Variants in PPIA observed in about 807,000 individuals in gnomAD.
PPIA encodes the protein peptidylprolyl isomerase A, also known as peptidyl-prolyl cis-trans isomerase A.
In PPIA, 2 loss-of-function variants were observed where a neutral mutation model predicts 15.3. That is an observed-to-expected ratio of 0.13 (90% confidence interval 0.05 to 0.41). The LOEUF is 0.41. Ranked by LOEUF, PPIA falls within the 10% of genes least tolerant of loss-of-function variation. PPIA has a pLI of 0.99. For synonymous variants in PPIA, 67 were observed against 73.1 expected, an observed-to-expected ratio of 0.92 and a Z score of 0.43; for missense variants, 103 against 210.3, an observed-to-expected ratio of 0.49 and a Z score of 3.16.
rs577315387 is a variant in PPIA, at chr7:44,799,314, A to G, written c.100+37A>G. The G allele has an allele frequency of 4.1e-5, 66 of 1,611,898 alleles. 1 individual carries two copies. Among genetic ancestry groups the G allele is most frequent in the African/African-American group, 8.0e-5 (6 of 74,830 alleles). ...TTCTAAGTTTAACAAAGATGTTCCA[A>G]TTGTGACAGTTTGTGTGTGTGTGTG... On this transcript the variant is annotated intron_variant, in intron 2 of 4. Transcript: ENST00000468812.
chr7:44,797,173 A>G (rs1792399107), intron 1 of PPIA, among the ~76,000 whole-genome samples: 1 of 152,124 alleles, frequency 6.6e-6, no homozygotes, highest in South Asian at 2.1e-4. Flanking sequence ...CCGGAGCCAG[A>G]AGCACGCTCG....
At chr7:44,800,167 C>G (rs1374131068) in intron 4 of PPIA, among the ~76,000 whole-genome samples, 2 of 152,184 alleles carry the variant, frequency 1.3e-5, no homozygotes, top group African/African-American at 4.8e-5. Context: ...GGGCTCACTG[C>G]AACCTCTGCC....
intron 1 of PPIA, chr7:44,798,839 A>T: frequency 1.0e-6 from 1 of 1,000,866 alleles, no homozygotes; most frequent in Non-Finnish European, 1.2e-6. Context: ...ATTACAAGTG[A>T]CTAAAAGAAC....
At chr7:44,799,097 T>A (rs528873600) in intron 1 of PPIA, 150 bp from the exon 2 acceptor site, 1 of 1,118,502 alleles carries the variant, frequency 8.9e-7, no homozygotes, top group Admixed American at 3.0e-5. Flanking sequence ...CAGGGCCTTA[T>A]GGCTGTCAGG....
chr7:44,801,723 A>T lies in PPIA; in HGVS notation c.*301A>T, dbSNP rs940583222. On this transcript the variant is annotated 3_prime_UTR_variant, in exon 5 of 5. Coordinates refer to ENST00000468812, the MANE Select transcript of PPIA (RefSeq NM_021130.5). ...ATCACTTGTTTGCTTAATTCTACAC[A>T]GTACTTAGATTTTTTTTACTTTCCA... is the stretch of plus-strand genomic sequence containing the variant. 2.8e-5 allele frequency: 7 copies of T among 249,168 alleles called. No homozygotes were observed. The highest frequency in any genetic ancestry group is 1.6e-4 in the African/African-American group (6 of 36,412). The allele number at this position is 249,168 out of a possible 1,614,324, so 15.4% of individuals were successfully genotyped here.
At chr7:44,797,972 A>G (rs1457418775) in intron 1 of PPIA, 1 of 152,154 alleles carries the variant, frequency 6.6e-6, no homozygotes, top group East Asian at 1.9e-4. Flanking sequence ...ATGTTAATCC[A>G]CACCCCACCC....
chr7:44,800,599 A>G (rs1241542409), intron 4 of PPIA: 3 of 151,650 alleles, frequency 2.0e-5, no homozygotes, highest in Admixed American at 6.6e-5. Flanking sequence ...GGGATTTACC[A>G]TGTTGTCCAG....
At chr7:44,799,516 G>A (rs769369882) in intron 3 of PPIA, 36 bp downstream of exon 3, 1 of 1,601,422 alleles carries the variant, frequency 6.2e-7, no homozygotes, top group South Asian at 1.1e-5. Flanking sequence ...TATTTGGGTT[G>A]CTCCCTTCAT....
At chr7:44,798,350 T>G (rs1792443250) in intron 1 of PPIA, 1 of 152,020 alleles carries the variant, frequency 6.6e-6, no homozygotes, top group Non-Finnish European at 1.5e-5. Context: ...CCACCTCTAT[T>G]AAAAATACAA....
At chr7:44,796,822 G>C (rs530225759) in intron 1 of PPIA, 29 bp downstream of exon 1, 1 of 1,593,364 alleles carries the variant, frequency 6.3e-7, no homozygotes, top group Non-Finnish European at 8.5e-7. Context: ...TGCGGGAATG[G>C]GGCCCAGAAA....
chr7:44,798,017 A>G (rs1792432323), intron 1 of PPIA: 1 of 152,164 alleles, frequency 6.6e-6, no homozygotes, highest in Non-Finnish European at 1.5e-5. Flanking sequence ...GTAAGTGACA[A>G]GGGCTTTCGT....
rs191837591 is a variant in PPIA, at chr7:44,801,758, A to C, written c.*336A>C. ...TTTTTTTTACTTTCCAGTCCCAGGA[A>C]GTGTCAATGTTTGTTGAGTGGAATA... is the stretch of plus-strand genomic sequence containing the variant. On this transcript the variant is annotated 3_prime_UTR_variant, in exon 5 of 5. Transcript: ENST00000468812. 2.2e-5 allele frequency: 5 copies of C among 224,628 alleles called. No individual in the cohort carries two copies. The highest frequency in any genetic ancestry group is 1.6e-4 in the Admixed American group (3 of 18,732). The allele number at this position is 224,628 out of a possible 1,614,324, so 13.9% of individuals were successfully genotyped here. A position where few individuals can be genotyped will look rare whatever the true frequency, so the allele number is the denominator to read the frequency against.
Position 44,796,700 on chromosome 7 carries a change from C to T in PPIA, c.-25C>T, listed in dbSNP as rs779471856. 9.3e-6 allele frequency: 15 copies of T among 1,608,088 alleles called. No homozygotes were observed. Among genetic ancestry groups the T allele is most frequent in the Admixed American group, 3.3e-5 (2 of 59,982 alleles). On this transcript the variant is annotated 5_prime_UTR_variant, in exon 1 of 5. Transcript: ENST00000468812. ...CGTGCCGTTTTGCAGACGCCACCGC[C>T]GAGGAAAACCGTGTACTATTAGCCA...
In PPIA at chr7:44,801,282, T is replaced by A. The variant is rs1278148966; in HGVS notation, c.363-5T>A. ...CAGTCATAGTGATTGTTCTTCCTTT[T>A]CAAGGTTGGATGGCAAGCATGTGGT... On this transcript the variant is annotated splice_region_variant and splice_polypyrimidine_tract_variant and intron_variant, in intron 4 of 4. Transcript: ENST00000468812. 1 of 1,613,116 alleles carries A rather than the reference T, an allele frequency of 6.2e-7. No individual in the cohort carries two copies. The highest frequency in any genetic ancestry group is 1.7e-5 in the Admixed American group (1 of 59,992).
intron 2 of PPIA, 23 bp from the exon 3 acceptor site, chr7:44,799,369 G>GTA: frequency 6.2e-7 from 1 of 1,606,556 alleles, no homozygotes; most frequent in Non-Finnish European, 8.5e-7. Flanking sequence ...ATGTATATAT[G>GTA]TGTTTAATTT....
At position 44,799,718 on chromosome 7, in the gene PPIA, G is replaced by A. The variant is rs767375293; in HGVS notation, c.206G>A (p.Arg69His). 10 of 1,613,958 alleles carry A rather than the reference G, an allele frequency of 6.2e-6. No homozygotes were observed. The highest frequency in any genetic ancestry group is 4.4e-5 in the South Asian group (4 of 91,080). Reference sequence around the variant, plus strand: ...TGTTGACAGGGTGGTGACTTCACACGCCATAATGGCACTGGTGGCAAGTCC... The same window carrying A: ...TGTTGACAGGGTGGTGACTTCACACACCATAATGGCACTGGTGGCAAGTCC... ...GFMCQGGDFT[R>H]HNGTGGKSIY... The change falls in exon 4 of 5, where the codon CGC becomes CAC. Residue 69 changes from arginine (R) to histidine (H), a missense_variant. Coordinates refer to ENST00000468812, the MANE Select transcript of PPIA (RefSeq NM_021130.5).
Position 44,801,578 on chromosome 7 carries a change from G to C in PPIA, c.*156G>C. 3.5e-6 allele frequency: 2 copies of C among 575,482 alleles called. No homozygotes were observed. Among genetic ancestry groups the C allele is most frequent in the Non-Finnish European group, 6.2e-6 (2 of 324,638 alleles). The allele number at this position is 575,482 out of a possible 1,614,324, so 35.6% of individuals were successfully genotyped here. ...TTTTCCTTGTTCCCTCCCATGCCTAGCTGGATTGCAGAGTTAAGTTTATGA... is the reference window on the plus strand; with the variant it reads ...TTTTCCTTGTTCCCTCCCATGCCTACCTGGATTGCAGAGTTAAGTTTATGA... On this transcript the variant is annotated 3_prime_UTR_variant, in exon 5 of 5. Transcript: ENST00000468812.
intron 1 of PPIA, 107 bp from the exon 2 acceptor site, chr7:44,799,140 G>C (rs1354655111): frequency 7.7e-7 from 1 of 1,305,872 alleles, no homozygotes; most frequent in African/African-American, 1.5e-5. Context: ...AATTACTGAA[G>C]AAGTATTCTA....
chr7:44,803,072 A>C lies in PPIA; in HGVS notation c.*1650A>C, dbSNP rs1238698461. On this transcript the variant is annotated 3_prime_UTR_variant, in exon 5 of 5. Transcript: ENST00000468812. ...CAATGTCTTAATGTACTTGTGGCTC[A>C]GACCTGAGTGCAAGGTGGAAATAAA... The C allele has an allele frequency of 6.6e-6, 1 of 152,234 alleles. No homozygotes were observed. Among genetic ancestry groups the C allele is most frequent in the Non-Finnish European group, 1.5e-5 (1 of 68,050 alleles). The allele number at this position is 152,234 out of a possible 1,614,324, so 9.4% of individuals were successfully genotyped here. A position where few individuals can be genotyped will look rare whatever the true frequency, so the allele number is the denominator to read the frequency against.
Sources: gnomAD v4.1 joint callset for allele counts (sites outside exome capture counted in the v4.1 genomes callset) on GRCh38, gnomAD v4.1.1 for gene constraint, MANE v1.5 for transcripts, NCBI Gene and HGNC (gene_info 2026-07-23, HGNC 2026-07-21) for gene names.